TTC17: variants seen among roughly 807,000 people sequenced by gnomAD.
TTC17 encodes the protein tetratricopeptide repeat domain 17.
A neutral mutation model predicts 143.8 loss-of-function variants in TTC17; 58 were observed. The observed-to-expected ratio is 0.40, with a 90% CI of 0.33 to 0.50. The LOEUF (loss-of-function observed/expected upper bound fraction) is 0.50, where lower values mean the gene tolerates loss of function less well. Among genes scored for constraint, TTC17 ranks in the 20% least tolerant of loss-of-function variants. The probability of loss-of-function intolerance (pLI) is 0.49; values close to 1 mark genes in which losing one functional copy is unlikely to be tolerated. For missense variants in TTC17, 1,273 were observed against 1,392.5 expected (o/e 0.91, Z 1.37); for synonymous variants, 501 against 497.8 (o/e 1.01, Z -0.09).
At chr11:43,394,062 CT>C (rs1857488462) in intron 5 of TTC17, among the ~76,000 whole-genome samples, 1 of 152,198 alleles carries the variant, frequency 6.6e-6, no homozygotes, top group Non-Finnish European at 1.5e-5. Context: ...GGCCCCAATC[CT>C]TATGACTTCA....
At chr11:43,449,781 G>T in intron 19 of TTC17, 1 of 281,914 alleles carries the variant, frequency 3.5e-6, no homozygotes, top group South Asian at 6.1e-5. Flanking sequence ...ATGTACGGCT[G>T]TATCTCTATA....
At chr11:43,417,034 G>A (rs931654685) in intron 16 of TTC17, among the ~76,000 whole-genome samples, 1 of 152,190 alleles carries the variant, frequency 6.6e-6, no homozygotes, top group East Asian at 1.9e-4. Context: ...GTATGCTATA[G>A]CATTTTCTAG....
At chr11:43,446,983 G>C (rs1201002394) in intron 18 of TTC17, among the ~76,000 whole-genome samples, 2 of 152,188 alleles carry the variant, frequency 1.3e-5, no homozygotes, top group Admixed American at 1.3e-4. Context: ...AAGTCACTTA[G>C]TCTCTCTGAG....
chr11:43,359,815 C>G (rs1856024191), intron 1 of TTC17, among the ~76,000 whole-genome samples: 2 of 152,230 alleles, frequency 1.3e-5, no homozygotes, highest in South Asian at 4.1e-4. Context: ...TGTGACCCAG[C>G]CTCGCATGGA....
chr11:43,386,768 C>CCTAT (rs1857184673), intron 2 of TTC17, among the ~76,000 whole-genome samples: 1 of 150,278 alleles, frequency 6.7e-6, no homozygotes, highest in South Asian at 2.1e-4. Context: ...TAATTTCTTA[C>CCTAT]GTATGTATGT....
intron 1 of TTC17, among the ~76,000 whole-genome samples, chr11:43,372,737 C>T (rs1856617677): frequency 1.3e-5 from 2 of 152,050 alleles, no homozygotes; most frequent in South Asian, 2.1e-4. Flanking sequence ...GTGATCCACC[C>T]GCCTCAGCCT....
At chr11:43,436,324 T>A (rs1239881215) in intron 16 of TTC17, 1 of 1,274,208 alleles carries the variant, frequency 7.8e-7, no homozygotes. Flanking sequence ...CAGATGCCCT[T>A]AGACTTGAAA....
At chr11:43,445,055 A>G (rs998975415) in intron 18 of TTC17, among the ~76,000 whole-genome samples, 8 of 152,248 alleles carry the variant, frequency 5.3e-5, no homozygotes, top group East Asian at 1.9e-4. Context: ...TGTAAACAAC[A>G]TAAATGTTGT....
At position 43,397,278 on chromosome 11, in the gene TTC17, A is replaced by T. The variant is rs1041172295; in HGVS notation, c.774-69A>T. Reference sequence around the variant, plus strand: ...ATATCTTAGTTTCCTAAGCACAAGTAACTTTGAATGTCATTTTTCCTTGTC... The same window carrying T: ...ATATCTTAGTTTCCTAAGCACAAGTTACTTTGAATGTCATTTTTCCTTGTC... On this transcript the variant is annotated intron_variant, in intron 6 of 23. Coordinates refer to ENST00000039989, the MANE Select transcript of TTC17 (RefSeq NM_018259.6). 1.4e-5 allele frequency: 21 copies of T among 1,529,350 alleles called. No homozygotes were observed. In the East Asian group the frequency reaches 4.8e-4, roughly 35 times the overall value. The allele number at this position is 1,529,350 out of a possible 1,614,324, so 94.7% of individuals were successfully genotyped here. A position where few individuals can be genotyped will look rare whatever the true frequency, so the allele number is the denominator to read the frequency against.
chr11:43,379,166 A>G (rs887866558), intron 1 of TTC17, 67 bp from the exon 2 acceptor site: 1 of 1,388,834 alleles, frequency 7.2e-7, no homozygotes, highest in Non-Finnish European at 1.0e-6. Flanking sequence ...AAGCATATTA[A>G]TGACTTTGTT....
At chr11:43,380,246 TTTTTG>T (rs965077141) in intron 2 of TTC17, among the ~76,000 whole-genome samples, 1 of 152,046 alleles carries the variant, frequency 6.6e-6, no homozygotes, top group Non-Finnish European at 1.5e-5. Flanking sequence ...GCATACCTGT[TTTTTG>T]TTTTGTTTTG....
chr11:43,392,562 C>T (rs1179526490), intron 5 of TTC17, among the ~76,000 whole-genome samples: 1 of 152,076 alleles, frequency 6.6e-6, no homozygotes, highest in African/African-American at 2.4e-5. Flanking sequence ...TAATTGCCAC[C>T]TTTGTATACA....
chr11:43,411,072 A>G (rs529654881), intron 15 of TTC17, among the ~76,000 whole-genome samples: 1 of 152,282 alleles, frequency 6.6e-6, no homozygotes, highest in East Asian at 1.9e-4. Flanking sequence ...AAAAAGTCAA[A>G]TGTTGTTATT....
intron 19 of TTC17, chr11:43,448,674 C>G (rs924760595): frequency 2.0e-5 from 3 of 152,408 alleles, no homozygotes; most frequent in African/African-American, 7.2e-5. Context: ...GATGTACTAA[C>G]AGCTCCCAAA....
intron 3 of TTC17, among the ~76,000 whole-genome samples, 195 bp from the exon 4 acceptor site, chr11:43,391,270 A>G (rs1422226566): frequency 6.6e-6 from 1 of 152,136 alleles, no homozygotes; most frequent in Non-Finnish European, 1.5e-5. Flanking sequence ...GTGGTGGTGC[A>G]TGCCTGTTGT....
At chr11:43,444,984 A>T (rs375786630) in intron 18 of TTC17, among the ~76,000 whole-genome samples, 4 of 152,346 alleles carry the variant, frequency 2.6e-5, no homozygotes, top group African/African-American at 9.6e-5. Context: ...AAATCATCTT[A>T]CAAGTGCCAT....
intron 2 of TTC17, among the ~76,000 whole-genome samples, chr11:43,384,755 C>T (rs1005241418): frequency 6.6e-6 from 1 of 152,202 alleles, no homozygotes; most frequent in African/African-American, 2.4e-5. Context: ...CAATCAGATA[C>T]ATTAATATTT....
chr11:43,445,447 G>A (rs1947520382), intron 18 of TTC17, among the ~76,000 whole-genome samples: 1 of 152,004 alleles, frequency 6.6e-6, no homozygotes, highest in Admixed American at 6.6e-5. Flanking sequence ...AGAGCTATAG[G>A]TGATTTTTAT....
chr11:43,421,161 G>C (rs1361099998), intron 16 of TTC17, among the ~76,000 whole-genome samples: 1 of 152,034 alleles, frequency 6.6e-6, no homozygotes, highest in Non-Finnish European at 1.5e-5. Context: ...AAGGGGTTGG[G>C]GTCATTAAGG....
Sources: allele counts gnomAD v4.1 joint callset (sites outside exome capture counted in the v4.1 genomes callset), GRCh38; gene constraint gnomAD v4.1.1; transcripts MANE v1.5; gene names NCBI Gene and HGNC (gene_info 2026-07-23, HGNC 2026-07-21).